Variants in RBM25 observed in about 807,000 individuals in gnomAD.
RBM25 encodes RNA-binding protein 25.
In RBM25, 19 loss-of-function variants were observed where a neutral mutation model predicts 120.7. The observed-to-expected ratio is 0.16, with a 90% CI of 0.11 to 0.23. The LOEUF is 0.23. RBM25 is among the 10% of genes least tolerant of loss of function. The pLI, the probability that RBM25 is intolerant of heterozygous loss-of-function variation, is 1.00. For missense variants in RBM25, 605 were observed against 1,041.5 expected (o/e 0.58, Z 5.77); for synonymous variants, 390 against 326.7 (o/e 1.19, Z -2.09).
chr14:73,114,410 T>G lies in RBM25; in HGVS notation c.2439+77T>G, dbSNP rs1016512113. 2.8e-6 allele frequency: 3 copies of G among 1,090,212 alleles called. No homozygotes were observed. The African/African-American group carries it at 4.8e-5, about 18-fold the overall frequency. 67.5% of individuals were successfully genotyped at this position (1,090,212 alleles called of 1,614,324 possible). A position where few individuals can be genotyped will look rare whatever the true frequency, so the allele number is the denominator to read the frequency against. ...GGTTTTTTTTGTCTTAAAATATAGATGGGGTCTCACCACGTTGCCCAGGGT... is the reference window on the plus strand; with the variant it reads ...GGTTTTTTTTGTCTTAAAATATAGAGGGGGTCTCACCACGTTGCCCAGGGT... On this transcript the variant is annotated intron_variant, in intron 18 of 18. Transcript: ENST00000261973.
chr14:73,112,715 C>T (rs567017367), intron 17 of RBM25, among the ~76,000 whole-genome samples: 19 of 152,250 alleles, frequency 1.2e-4, no homozygotes, highest in African/African-American at 3.9e-4. Context: ...ATCGTAGTAA[C>T]GATCAGTGTT....
At chr14:73,087,150 T>G (rs1194462814) in intron 5 of RBM25, among the ~76,000 whole-genome samples, 1 of 152,216 alleles carries the variant, frequency 6.6e-6, no homozygotes, top group African/African-American at 2.4e-5. Context: ...TATTTTCAAT[T>G]TGTTGGTTGC....
At chr14:73,115,826 C>T (rs1447893930) in intron 18 of RBM25, among the ~76,000 whole-genome samples, 2 of 152,152 alleles carry the variant, frequency 1.3e-5, no homozygotes, top group Non-Finnish European at 2.9e-5. Context: ...AATAAAACAA[C>T]TGAAAGGAGA....
intron 14 of RBM25, among the ~76,000 whole-genome samples, chr14:73,110,107 A>G (rs1347382384): frequency 5.4e-5 from 8 of 148,068 alleles, no homozygotes; most frequent in African/African-American, 2.0e-4. Flanking sequence ...CTAGTATTAA[A>G]CTCCTGACCT....
chr14:73,061,679 A>G lies in RBM25; in HGVS notation c.-16+2974A>G, dbSNP rs1005591047. 6.7e-5 allele frequency among the ~76,000 whole-genome samples: 10 copies of G among 149,884 alleles called. 2 individuals carry two copies. The highest frequency in any genetic ancestry group is 1.2e-4 in the Non-Finnish European group (8 of 67,006). On this transcript the variant is annotated intron_variant, in intron 1 of 18. Coordinates refer to ENST00000261973, the MANE Select transcript of RBM25 (RefSeq NM_021239.3). ...CATTTCAGGCTTAAGCAATCCTCCCACCCCAGCCTCCCAAGTAGCTGGGAC... is the reference window on the plus strand; with the variant it reads ...CATTTCAGGCTTAAGCAATCCTCCCGCCCCAGCCTCCCAAGTAGCTGGGAC...
intron 14 of RBM25, 24 bp downstream of exon 14, chr14:73,109,516 G>A (rs189740434): frequency 2.3e-5 from 37 of 1,597,884 alleles, no homozygotes; most frequent in African/African-American, 8.1e-5. Context: ...CCATCTGGTC[G>A]GGCGCGGTGG....
intron 5 of RBM25, among the ~76,000 whole-genome samples, chr14:73,087,545 G>T (rs1372236881): frequency 1.3e-5 from 2 of 152,060 alleles, no homozygotes; most frequent in Non-Finnish European, 2.9e-5. Context: ...ACAGGCGCCC[G>T]CCACCGCGCC....
chr14:73,066,208 A>G (rs1355560052), intron 1 of RBM25, among the ~76,000 whole-genome samples: 1 of 152,188 alleles, frequency 6.6e-6, no homozygotes, highest in Admixed American at 6.6e-5. Flanking sequence ...TTGGTCAAAA[A>G]GTTTTACAGA....
At chr14:73,084,767 C>T (rs61985147) in intron 5 of RBM25, among the ~76,000 whole-genome samples, 2 of 151,540 alleles carry the variant, frequency 1.3e-5, no homozygotes, top group Non-Finnish European at 2.9e-5. Flanking sequence ...GGTCAGGCTG[C>T]TCCTGAGCTG....
chr14:73,083,470 T>C, intron 4 of RBM25, 24 bp from the exon 5 acceptor site: 1 of 1,537,868 alleles, frequency 6.5e-7, no homozygotes, highest in Non-Finnish European at 8.7e-7. Flanking sequence ...GGTAGCAATC[T>C]GTTTGTTTTG....
At chr14:73,117,218 T>A (rs1476310384) in intron 18 of RBM25, among the ~76,000 whole-genome samples, 2 of 26,708 alleles carry the variant, frequency 7.5e-5, no homozygotes, top group East Asian at 2.9e-3. Flanking sequence ...TTCTTTTTTT[T>A]TTTTTTTTTT....
chr14:73,119,825 T>TC lies in RBM25; in HGVS notation c.*22dup. ...AAGTAAAACTTTTTATATTTAGAGT[T>TC]CCATTTCAGATTTCTTCTTTGCCAC... On this transcript the variant is annotated 3_prime_UTR_variant, in exon 19 of 19. Transcript: ENST00000261973. 1 of 1,591,670 alleles carries TC rather than the reference T, an allele frequency of 6.3e-7. No individual in the cohort carries two copies.
At position 73,088,107 on chromosome 14, in the gene RBM25, A is replaced by G. The variant is rs757993782; in HGVS notation, c.489A>G (p.Ala163=). 7 of 1,614,196 alleles carry G rather than the reference A, an allele frequency of 4.3e-6. No individual in the cohort carries two copies. Among genetic ancestry groups the G allele is most frequent in the African/African-American group, 2.7e-5 (2 of 75,058 alleles). The part of the protein sequence containing the change: ...GEKKLLVKVD[A]KTKAQLDEWK... ...AAAAGCTACTCGTTAAAGTTGATGC[A>G]AAGACAAAGGCACAGCTGGATGAAT... Residue 163 remains alanine (A), a synonymous_variant, in exon 6 of 19, where the codon GCA becomes GCG. Coordinates refer to ENST00000261973, the MANE Select transcript of RBM25 (RefSeq NM_021239.3).
chr14:73,086,793 C>T (rs1355218899), intron 5 of RBM25, among the ~76,000 whole-genome samples: 1 of 152,170 alleles, frequency 6.6e-6, no homozygotes, highest in Non-Finnish European at 1.5e-5. Context: ...CAACTTCTGC[C>T]TCCCGGGTTC....
At chr14:73,118,479 GAAA>G (rs79313770) in intron 18 of RBM25, among the ~76,000 whole-genome samples, 2 of 123,322 alleles carry the variant, frequency 1.6e-5, no homozygotes, top group African/African-American at 3.2e-5. Flanking sequence ...CCTGTCTCCA[GAAA>G]AAAAAAAAAA....
rs181771263 is a variant in RBM25 at position 73,090,330 on chromosome 14, C to T, written c.543+2169C>T. 4.9e-3 allele frequency among the ~76,000 whole-genome samples: 740 copies of T among 152,206 alleles called. 2 individuals carry two copies. The highest frequency in any genetic ancestry group is 7.9e-3 in the Non-Finnish European group (535 of 68,014). On this transcript the variant is annotated intron_variant, in intron 6 of 18. Transcript: ENST00000261973. ...CCTCTCAAAGTGCTGGGATTACAGG[C>T]GTGAGCCACCGTGCCCGGCCATAAA...
At chr14:73,070,362 T>G (rs1404964166) in intron 1 of RBM25, among the ~76,000 whole-genome samples, 1 of 152,304 alleles carries the variant, frequency 6.6e-6, no homozygotes, top group East Asian at 1.9e-4. Flanking sequence ...CAACCTGTTC[T>G]TAAACTTTAA....
intron 13 of RBM25, among the ~76,000 whole-genome samples, chr14:73,108,275 C>T (rs775351448): frequency 6.6e-6 from 1 of 152,198 alleles, no homozygotes; most frequent in Non-Finnish European, 1.5e-5. Context: ...ACCTTGAACT[C>T]TTGGGCTCAA....
intron 6 of RBM25, among the ~76,000 whole-genome samples, chr14:73,091,342 T>C (rs1895809245): frequency 6.6e-6 from 1 of 152,086 alleles, no homozygotes; most frequent in African/African-American, 2.4e-5. Context: ...TCCTTCTGCC[T>C]CAGCTGGGAC....
Sources: allele counts gnomAD v4.1 joint callset (sites outside exome capture counted in the v4.1 genomes callset), GRCh38; gene constraint gnomAD v4.1.1; transcripts MANE v1.5; gene names NCBI Gene and HGNC (gene_info 2026-07-23, HGNC 2026-07-21).